PRDM16: variants seen among roughly 807,000 people sequenced by gnomAD.
The protein encoded by PRDM16 is histone-lysine N-methyltransferase PRDM16.
Under a neutral mutation model 110.6 loss-of-function variants are expected in PRDM16, and 23 were observed. The observed-to-expected ratio is 0.21, with a 90% CI of 0.15 to 0.29. The LOEUF is 0.29. Among genes scored for constraint, PRDM16 ranks in the 10% least tolerant of loss-of-function variants. The probability of loss-of-function intolerance (pLI) is 1.00; values close to 1 mark genes in which losing one functional copy is unlikely to be tolerated. For synonymous variants in PRDM16, 799 were observed against 781.8 expected, an observed-to-expected ratio of 1.02 and a Z score of -0.37; for missense variants, 1,615 against 1,794.3, an observed-to-expected ratio of 0.90 and a Z score of 1.81.
intron 3 of PRDM16, among the ~76,000 whole-genome samples, chr1:3,363,153 T>TGGGGAGA: frequency 6.6e-6 from 1 of 152,128 alleles, no homozygotes. Context: ...CTCAAAGTCC[T>TGGGGAGA]CCAGCCCGGG....
Position 3,108,218 on chromosome 1 carries a change from A to G in PRDM16, c.37+38922A>G, listed in dbSNP as rs143499179. Among the ~76,000 whole-genome samples the G allele has an allele frequency of 9.8e-5, 15 of 152,366 alleles. No homozygotes were observed. The East Asian group carries it at 2.7e-3, about 27-fold the overall frequency. On this transcript the variant is annotated intron_variant, in intron 1 of 16. Coordinates refer to ENST00000270722, the MANE Select transcript of PRDM16 (RefSeq NM_022114.4). ...CCTTAGAGCTTTGCTTCCTTTAAAA[A>G]TAAACCCTTCCCTATTCCCAATCCA...
intron 2 of PRDM16, among the ~76,000 whole-genome samples, chr1:3,232,899 CAGG>C (rs981325073): frequency 4.5e-4 from 69 of 152,206 alleles, no homozygotes; most frequent in Middle Eastern, 6.8e-3. Context: ...GCGCTGTTAC[CAGG>C]AGATCTACGA....
chr1:3,313,673 T>A (rs2100423138), intron 3 of PRDM16, among the ~76,000 whole-genome samples: 1 of 152,258 alleles, frequency 6.6e-6, no homozygotes, highest in South Asian at 2.1e-4. Flanking sequence ...CAGAACCACC[T>A]CCCAGGGGCT....
rs561359310 is a variant in PRDM16, at chr1:3,082,890, C to T, written c.37+13594C>T. On this transcript the variant is annotated intron_variant, in intron 1 of 16. Transcript: ENST00000270722. ...TGCCTGTGGCCCCTGGGTCTGTGGC[C>T]GCTGCCTTCGCTTTCCCCTCATCTA... 4.6e-5 allele frequency among the ~76,000 whole-genome samples: 7 copies of T among 152,296 alleles called. No individual in the cohort carries two copies. In the East Asian group the frequency reaches 5.8e-4, roughly 13 times the overall value.
At position 3,386,914 on chromosome 1, in the gene PRDM16, C is replaced by T. The variant is rs188381709; in HGVS notation, c.573+1628C>T. The T allele has an allele frequency of 9.2e-5, 14 of 152,262 alleles. 1 individual carries two copies. The highest frequency in any genetic ancestry group is 1.0e-4 in the Non-Finnish European group (7 of 68,022). 9.4% of individuals were successfully genotyped at this position (152,262 alleles called of 1,614,324 possible). A position where few individuals can be genotyped will look rare whatever the true frequency, so the allele number is the denominator to read the frequency against. On this transcript the variant is annotated intron_variant, in intron 4 of 16. Transcript: ENST00000270722. ...ATAAATGTTTATTAGAACTTTTGAA[C>T]TAAACTTAAGCGGTAAAGTGGGTAT...
At chr1:3,349,099 A>G (rs1433284441) in intron 3 of PRDM16, among the ~76,000 whole-genome samples, 1 of 152,192 alleles carries the variant, frequency 6.6e-6, no homozygotes, top group Non-Finnish European at 1.5e-5. Flanking sequence ...ATTGAATTTG[A>G]AAAGCCAGGA....
intron 10 of PRDM16, among the ~76,000 whole-genome samples, chr1:3,415,944 G>A (rs1205419909): frequency 2.0e-5 from 3 of 152,376 alleles, no homozygotes; most frequent in Admixed American, 6.5e-5. Context: ...GGGCTGCGGA[G>A]GGGCTGGTGA....
intron 3 of PRDM16, among the ~76,000 whole-genome samples, chr1:3,318,136 T>C (rs60221418): frequency 0.029 from 4,439 of 151,568 alleles, 206 homozygotes; most frequent in African/African-American, 0.098. Flanking sequence ...CCCCAGTTTT[T>C]TACTGCAAGT....
At chr1:3,416,493 C>T (rs1469729214) in intron 10 of PRDM16, among the ~76,000 whole-genome samples, 1 of 152,212 alleles carries the variant, frequency 6.6e-6, no homozygotes, top group Admixed American at 6.5e-5. Flanking sequence ...AGGTCCTCAC[C>T]TGCCCTTCTC....
chr1:3,187,206 A>G (rs1644280071), intron 2 of PRDM16, among the ~76,000 whole-genome samples: 1 of 152,118 alleles, frequency 6.6e-6, no homozygotes, highest in African/African-American at 2.4e-5. Context: ...TAGGGGGACT[A>G]ACAGCCCCAC....
intron 1 of PRDM16, among the ~76,000 whole-genome samples, chr1:3,126,368 C>T (rs1428979036): frequency 6.6e-6 from 1 of 152,196 alleles, no homozygotes; most frequent in Non-Finnish European, 1.5e-5. Flanking sequence ...CCCGGGGGCT[C>T]AGTCCACTGC....
intron 1 of PRDM16, among the ~76,000 whole-genome samples, chr1:3,170,242 CA>C (rs1644010042): frequency 6.6e-6 from 1 of 152,204 alleles, no homozygotes; most frequent in African/African-American, 2.4e-5. Flanking sequence ...CTGCTTCCCC[CA>C]GGAGTGCCTG....
chr1:3,229,557 C>A (rs1019677940), intron 2 of PRDM16, among the ~76,000 whole-genome samples: 1 of 152,218 alleles, frequency 6.6e-6, no homozygotes, highest in Non-Finnish European at 1.5e-5. Context: ...GCCTCCAAGC[C>A]ACAGGATGTA....
Position 3,390,838 on chromosome 1 carries a change from T to G in PRDM16, c.573+5552T>G, listed in dbSNP as rs1569657240. 8.0e-5 allele frequency among the ~76,000 whole-genome samples: 12 copies of G among 150,368 alleles called. No individual in the cohort carries two copies. In the South Asian group the frequency reaches 2.5e-3, roughly 32 times the overall value. ...TGCTTTTATCTCTCACAGTGTGTTT[T>G]TTTTTTTTTTTTTTTAGACAGAGTT... On this transcript the variant is annotated intron_variant, in intron 4 of 16. Transcript: ENST00000270722. The surrounding 1 kb of genome is among the most constrained non-coding windows in gnomAD (Gnocchi z 5.0).
chr1:3,083,656 G>C (rs972977714), intron 1 of PRDM16, among the ~76,000 whole-genome samples: 1 of 152,094 alleles, frequency 6.6e-6, no homozygotes, highest in Non-Finnish European at 1.5e-5. Flanking sequence ...GCTGGATCCT[G>C]CCCTCGGGGG....
intron 10 of PRDM16, among the ~76,000 whole-genome samples, chr1:3,417,505 A>G (rs753187575): frequency 6.6e-6 from 1 of 152,246 alleles, no homozygotes; most frequent in Non-Finnish European, 1.5e-5. Flanking sequence ...AGGGGTAATC[A>G]TAAACATCAG....
intron 2 of PRDM16, among the ~76,000 whole-genome samples, chr1:3,230,089 A>T (rs927819705): frequency 6.6e-6 from 1 of 152,096 alleles, no homozygotes; most frequent in African/African-American, 2.4e-5. Context: ...GGATCCCTGG[A>T]CCCCTACAGG....
At chr1:3,306,979 G>A (rs1641329818) in intron 3 of PRDM16, 2 of 152,192 alleles carry the variant, frequency 1.3e-5, no homozygotes, top group Admixed American at 1.3e-4. Flanking sequence ...GTGGTTCCCA[G>A]GTTCGCCCAC....
chr1:3,353,310 C>T lies in PRDM16; in HGVS notation c.439-31842C>T, dbSNP rs575530811. ...CCATTTCTCACCTGCAGCCTGGGTC[C>T]CTGCAGAAACCTGGCTCGGCCTGGG... On this transcript the variant is annotated intron_variant, in intron 3 of 16. Coordinates refer to ENST00000270722, the MANE Select transcript of PRDM16 (RefSeq NM_022114.4). This position sits in a 1 kb window ranked among gnomAD's most constrained non-coding sequence, Gnocchi z 5.4. Among the ~76,000 whole-genome samples the T allele has an allele frequency of 1.3e-5, 2 of 152,338 alleles. No individual in the cohort carries two copies. Among genetic ancestry groups the T allele is most frequent in the South Asian group, 4.1e-4 (2 of 4,822 alleles).
Sources: allele counts gnomAD v4.1 joint callset (sites outside exome capture counted in the v4.1 genomes callset), GRCh38; gene constraint gnomAD v4.1.1; non-coding constraint Gnocchi (gnomAD v3.1); transcripts MANE v1.5; gene names NCBI Gene and HGNC (gene_info 2026-07-23, HGNC 2026-07-21).